Variants in JARID2 observed in about 807,000 individuals in gnomAD.
The protein encoded by JARID2 is protein Jumonji.
JARID2 carries 21 observed loss-of-function variants against 125.6 expected under a neutral mutation model. The observed-to-expected ratio is 0.17, with a 90% CI of 0.12 to 0.24. The LOEUF is 0.24. Ranked by LOEUF, JARID2 falls within the 10% of genes least tolerant of loss-of-function variation. The pLI is 1.00. For missense variants in JARID2, 1,303 were observed against 1,639.6 expected, an observed-to-expected ratio of 0.79 and a Z score of 3.55; for synonymous variants, 736 against 661.6, an observed-to-expected ratio of 1.11 and a Z score of -1.73.
intron 4 of JARID2, among the ~76,000 whole-genome samples, chr6:15,458,005 G>A (rs1768265940): frequency 6.6e-6 from 1 of 152,164 alleles, no homozygotes; most frequent in African/African-American, 2.4e-5. Context: ...TGCCCGCAGT[G>A]TATTTATCTT....
chr6:15,356,238 T>C (rs910477773), intron 1 of JARID2, among the ~76,000 whole-genome samples: 4 of 152,228 alleles, frequency 2.6e-5, no homozygotes, highest in African/African-American at 9.6e-5. Context: ...TTATACTTTT[T>C]GGATATTATG....
chr6:15,395,054 C>A (rs1388963788), intron 2 of JARID2, among the ~76,000 whole-genome samples: 1 of 151,616 alleles, frequency 6.6e-6, no homozygotes, highest in African/African-American at 2.4e-5. Flanking sequence ...GTTGTATTAA[C>A]CAACAAACTA....
intron 4 of JARID2, among the ~76,000 whole-genome samples, chr6:15,453,027 C>G (rs1439698012): frequency 6.6e-6 from 1 of 152,174 alleles, no homozygotes; most frequent in Non-Finnish European, 1.5e-5. Flanking sequence ...TTATTACAGA[C>G]AGATTTTAAG....
At chr6:15,452,960 G>A (rs1240785298) in intron 4 of JARID2, among the ~76,000 whole-genome samples, 1 of 152,182 alleles carries the variant, frequency 6.6e-6, no homozygotes, top group Non-Finnish European at 1.5e-5. Context: ...TTGGACATCT[G>A]TGGGAAAACC....
At chr6:15,253,388 C>G (rs1759530878) in intron 1 of JARID2, among the ~76,000 whole-genome samples, 1 of 152,030 alleles carries the variant, frequency 6.6e-6, no homozygotes. Flanking sequence ...AAATGCAGTT[C>G]TGATTCAGAA....
At chr6:15,280,062 G>A (rs776673918) in intron 1 of JARID2, among the ~76,000 whole-genome samples, 3 of 152,064 alleles carry the variant, frequency 2.0e-5, no homozygotes, top group African/African-American at 7.2e-5. Context: ...ACACCTGGTC[G>A]TATGTATGTA....
intron 2 of JARID2, among the ~76,000 whole-genome samples, chr6:15,402,857 G>A (rs976314967): frequency 1.3e-5 from 2 of 152,128 alleles, no homozygotes; most frequent in African/African-American, 4.8e-5. Flanking sequence ...GTGTGTGTTT[G>A]ACTGGGTTGT....
At chr6:15,501,968 G>A (rs547413106) in intron 8 of JARID2, among the ~76,000 whole-genome samples, 35 of 152,272 alleles carry the variant, frequency 2.3e-4, no homozygotes, top group Admixed American at 8.5e-4. Flanking sequence ...GACTCTGTGC[G>A]CTTGTTTTCT....
At chr6:15,304,547 A>G (rs575669554) in intron 1 of JARID2, among the ~76,000 whole-genome samples, 12 of 151,928 alleles carry the variant, frequency 7.9e-5, no homozygotes, top group Non-Finnish European at 1.0e-4. Context: ...ACAGACTCCC[A>G]TATCTAGATG....
chr6:15,468,511 T>A, intron 4 of JARID2, 31 bp from the exon 5 acceptor site: 1 of 1,594,684 alleles, frequency 6.3e-7, no homozygotes, highest in Non-Finnish European at 8.6e-7. Context: ...TCAAGGCCTG[T>A]GTTTATGAGC....
intron 1 of JARID2, among the ~76,000 whole-genome samples, chr6:15,273,880 G>C: frequency 6.6e-6 from 1 of 151,482 alleles, no homozygotes; most frequent in East Asian, 1.9e-4. Context: ...AGAACATACT[G>C]CTCCATTTTC....
intron 9 of JARID2, among the ~76,000 whole-genome samples, chr6:15,505,590 C>G (rs1230066499): frequency 6.6e-6 from 1 of 152,214 alleles, no homozygotes; most frequent in East Asian, 1.9e-4. Flanking sequence ...GTGGCCCACC[C>G]CTCCCTTCCT....
At chr6:15,269,185 G>A (rs1002548599) in intron 1 of JARID2, among the ~76,000 whole-genome samples, 1 of 152,106 alleles carries the variant, frequency 6.6e-6, no homozygotes, top group Non-Finnish European at 1.5e-5. Context: ...CTCCTCCCAG[G>A]CCTCTGTAAA....
At chr6:15,484,714 G>A (rs1769784002) in intron 5 of JARID2, among the ~76,000 whole-genome samples, 1 of 152,162 alleles carries the variant, frequency 6.6e-6, no homozygotes, top group Non-Finnish European at 1.5e-5. Flanking sequence ...TTGAAGGGCG[G>A]GAAACCCATA....
At chr6:15,283,717 T>TC (rs1760878976) in intron 1 of JARID2, among the ~76,000 whole-genome samples, 1 of 149,826 alleles carries the variant, frequency 6.7e-6, no homozygotes, top group Admixed American at 6.7e-5. Context: ...TTTTTTTTTT[T>TC]TTTTTTGAGA....
At chr6:15,251,027 C>CT (rs561581200) in intron 1 of JARID2, among the ~76,000 whole-genome samples, 19 of 146,392 alleles carry the variant, frequency 1.3e-4, no homozygotes, top group South Asian at 2.2e-4. Context: ...TTTTTGTTTC[C>CT]TTTTTTTTTT....
chr6:15,258,739 G>A lies in JARID2; in HGVS notation c.45+12155G>A, dbSNP rs370006293. On this transcript the variant is annotated intron_variant, in intron 1 of 17. Transcript: ENST00000341776. ...AGAGGTTGCAGTGAGCCGAGATTGCGCCACTGCACTCCAGCCTGGGCAACA... is the reference window on the plus strand; with the variant it reads ...AGAGGTTGCAGTGAGCCGAGATTGCACCACTGCACTCCAGCCTGGGCAACA... Among the ~76,000 whole-genome samples the A allele has an allele frequency of 1.1e-4, 16 of 152,238 alleles. No homozygotes were observed. The East Asian group carries it at 2.1e-3, about 20-fold the overall frequency.
chr6:15,513,565 C>A, intron 16 of JARID2, 143 bp downstream of exon 16: 1 of 825,564 alleles, frequency 1.2e-6, no homozygotes, highest in Non-Finnish European at 1.8e-6. Flanking sequence ...GGGACCTCGG[C>A]GGAGCTTCTG....
At chr6:15,369,577 T>A (rs1395154438) in intron 1 of JARID2, among the ~76,000 whole-genome samples, 1 of 152,146 alleles carries the variant, frequency 6.6e-6, no homozygotes, top group Admixed American at 6.5e-5. Context: ...CCAAGGGGCC[T>A]GAAGTGGTTT....
Sources: allele counts gnomAD v4.1 joint callset (sites outside exome capture counted in the v4.1 genomes callset), GRCh38; gene constraint gnomAD v4.1.1; transcripts MANE v1.5; gene names NCBI Gene and HGNC (gene_info 2026-07-23, HGNC 2026-07-21).